Variants in M6PR observed in about 807,000 individuals in gnomAD.
The protein encoded by M6PR is cation-dependent mannose-6-phosphate receptor.
M6PR carries 19 observed loss-of-function variants against 33.1 expected under a neutral mutation model. The ratio of observed to expected loss-of-function variants is 0.57; its 90% confidence interval spans 0.40 to 0.84. M6PR has a LOEUF of 0.84. Ranked by LOEUF, M6PR falls within the 40% of genes least tolerant of loss-of-function variation. The probability of loss-of-function intolerance (pLI) is 0.00; values close to 1 mark genes in which losing one functional copy is unlikely to be tolerated. For synonymous variants in M6PR, 111 were observed against 123.4 expected (o/e 0.90, Z 0.67); for missense variants, 295 against 336.0 (o/e 0.88, Z 0.95).
chr12:8,948,885 A>G (rs544886664), intron 1 of M6PR, among the ~76,000 whole-genome samples: 4 of 152,152 alleles, frequency 2.6e-5, no homozygotes, highest in Non-Finnish European at 5.9e-5. Context: ...CCAGCAGCCT[A>G]CATGTTTAGA....
chr12:8,941,623 T>C lies in M6PR; in HGVS notation c.*195A>G, dbSNP rs1946009900. 1 of 621,890 alleles carries C rather than the reference T, an allele frequency of 1.6e-6. No individual in the cohort carries two copies. Among genetic ancestry groups the C allele is most frequent in the Non-Finnish European group, 2.8e-6 (1 of 362,292 alleles). 38.5% of individuals were successfully genotyped at this position (621,890 alleles called of 1,614,324 possible). ...ACTCTGACTTACAACTGTACCTCTC[T>C]AGAGAAAAAACAGAAAATAAGGAAC... On this transcript the variant is annotated 3_prime_UTR_variant, in exon 7 of 7. Coordinates refer to ENST00000000412, the MANE Select transcript of M6PR (RefSeq NM_002355.4).
rs765562527 is a variant in M6PR at position 8,941,946 on chromosome 12, G to C, written c.712-6C>G. 9.3e-6 allele frequency: 15 copies of C among 1,613,898 alleles called. No homozygotes were observed. In the South Asian group the frequency reaches 1.3e-4, roughly 14 times the overall value. Reference sequence around the variant, plus strand: ...CAGACAAAGTCACAGCCATCCTGTAGGGGGAAAAAAAAGAAGGAAATAATT... The same window carrying C: ...CAGACAAAGTCACAGCCATCCTGTACGGGGAAAAAAAAGAAGGAAATAATT... On this transcript the variant is annotated splice_region_variant and splice_polypyrimidine_tract_variant and intron_variant, in intron 6 of 6. Transcript: ENST00000000412.
intron 6 of M6PR, 159 bp from the exon 7 acceptor site, chr12:8,942,099 C>A: frequency 1.2e-6 from 1 of 866,870 alleles, no homozygotes; most frequent in Non-Finnish European, 1.7e-6. Context: ...CAATTTGGGG[C>A]AACAGGAGAA....
chr12:8,945,352 G>GAT, intron 3 of M6PR, 66 bp downstream of exon 3: 1 of 1,560,332 alleles, frequency 6.4e-7, no homozygotes, highest in Non-Finnish European at 8.8e-7. Context: ...AAGACATACA[G>GAT]GATTGTCAGA....
chr12:8,945,468 C>G lies in M6PR; in HGVS notation c.293G>C (p.Gly98Ala). The G allele has an allele frequency of 6.2e-7, 1 of 1,614,092 alleles. No homozygotes were observed. ...AGLVQINKSN[G>A]KETVVGRLNE... ...GAGTCTCCCTACCACTGTCTCCTTCCCATTACTTTTGTTGATTTGCACCAG... is the reference window on the plus strand; with the variant it reads ...GAGTCTCCCTACCACTGTCTCCTTCGCATTACTTTTGTTGATTTGCACCAG... Residue 98 changes from glycine (G) to alanine (A), a missense_variant, in exon 3 of 7, where the codon GGG becomes GCG. By Grantham distance (60) the Gly-to-Ala change is moderately conservative. Coordinates refer to ENST00000000412, the MANE Select transcript of M6PR (RefSeq NM_002355.4).
chr12:8,948,665 G>A (rs1214224037), intron 1 of M6PR, among the ~76,000 whole-genome samples: 1 of 152,108 alleles, frequency 6.6e-6, no homozygotes, highest in Non-Finnish European at 1.5e-5. Flanking sequence ...ATTCTCTAAC[G>A]ACAGATCTAT....
rs1341913223 is a variant in M6PR at position 8,948,422 on chromosome 12, A to G, written c.-2+1066T>C. Among the ~76,000 whole-genome samples the G allele has an allele frequency of 3.3e-5, 5 of 152,246 alleles. No individual in the cohort carries two copies. In the East Asian group the frequency reaches 9.6e-4, roughly 29 times the overall value. On this transcript the variant is annotated intron_variant, in intron 1 of 6. Coordinates refer to ENST00000000412, the MANE Select transcript of M6PR (RefSeq NM_002355.4). ...ATTACTTGCTGTACATTACACAGAT[A>G]TTAAATGTGTGTGAAGTTACTGGGG...
chr12:8,948,452 T>G (rs1014252667), intron 1 of M6PR, among the ~76,000 whole-genome samples: 38 of 152,178 alleles, frequency 2.5e-4, no homozygotes, highest in Non-Finnish European at 2.6e-4. Flanking sequence ...CTGGGGCAAT[T>G]TAGACGATTC....
intron 2 of M6PR, among the ~76,000 whole-genome samples, chr12:8,945,953 T>C (rs1946087562): frequency 6.6e-6 from 1 of 152,204 alleles, no homozygotes; most frequent in Non-Finnish European, 1.5e-5. Context: ...TATAATGACA[T>C]GTGTCGGCCT....
chr12:8,944,608 G>A (rs188053230), intron 3 of M6PR, among the ~76,000 whole-genome samples: 2 of 152,208 alleles, frequency 1.3e-5, no homozygotes, highest in African/African-American at 4.8e-5. Context: ...CTGTATGGGA[G>A]GGAATTGGAC....
intron 3 of M6PR, chr12:8,945,144 A>AGG: frequency 3.3e-6 from 1 of 303,086 alleles, no homozygotes; most frequent in Admixed American, 4.8e-5. Flanking sequence ...GGTGACAGAG[A>AGG]GAGACTCCGT....
chr12:8,946,907 T>C (rs1358899852), intron 1 of M6PR: 6 of 152,602 alleles, frequency 3.9e-5, no homozygotes, highest in Admixed American at 3.9e-4. Flanking sequence ...CTTGTACTGC[T>C]CTAGGAATGA....
Position 8,941,726 on chromosome 12 carries a change from A to G in M6PR, c.*92T>C. On this transcript the variant is annotated 3_prime_UTR_variant, in exon 7 of 7. Transcript: ENST00000000412. ...AAGCAAGAGCAATAGTAAGGGTGAG[A>G]TGAGGGACTGGAGTTGAGACTGCTT... is the stretch of plus-strand genomic sequence containing the variant. 6.7e-7 allele frequency: 1 copy of G among 1,499,728 alleles called. No individual in the cohort carries two copies. Among genetic ancestry groups the G allele is most frequent in the Non-Finnish European group, 9.3e-7 (1 of 1,080,650 alleles). 92.9% of individuals were successfully genotyped at this position (1,499,728 alleles called of 1,614,324 possible).
chr12:8,947,431 G>A (rs1381614497), intron 1 of M6PR, among the ~76,000 whole-genome samples: 6 of 151,954 alleles, frequency 3.9e-5, no homozygotes, highest in Admixed American at 3.3e-4. Flanking sequence ...AAAAAATCCC[G>A]GGAAATTGTC....
At chr12:8,946,201 C>G in intron 2 of M6PR, 28 bp downstream of exon 2, 1 of 1,589,308 alleles carries the variant, frequency 6.3e-7, no homozygotes, top group Non-Finnish European at 8.6e-7. Flanking sequence ...AATATTTTCT[C>G]AAGCTCTTTA....
chr12:8,945,476 TTTG>T lies in M6PR; in HGVS notation c.282_284del (p.Asn94del). On this transcript the variant is annotated inframe_deletion, in exon 3 of 7. Coordinates refer to ENST00000000412, the MANE Select transcript of M6PR (RefSeq NM_002355.4). ...CTACCACTGTCTCCTTCCCATTACT[TTTG>T]TTGATTTGCACCAGGCCTGCCCCAG... 1 of 1,614,118 alleles carries T rather than the reference TTTG, an allele frequency of 6.2e-7. No individual in the cohort carries two copies. Among genetic ancestry groups the T allele is most frequent in the African/African-American group, 1.3e-5 (1 of 75,014 alleles).
intron 1 of M6PR, among the ~76,000 whole-genome samples, chr12:8,948,450 AT>A (rs1296083881): frequency 1.3e-5 from 2 of 152,200 alleles, no homozygotes; most frequent in Non-Finnish European, 2.9e-5. Context: ...TACTGGGGCA[AT>A]TTAGACGATT....
intron 6 of M6PR, 37 bp from the exon 7 acceptor site, chr12:8,941,977 C>T: frequency 6.2e-7 from 1 of 1,611,868 alleles, no homozygotes; most frequent in Non-Finnish European, 8.5e-7. Context: ...TAATTCGCAG[C>T]ATCTAACTTT....
rs1017297144 is a variant in M6PR, at chr12:8,941,368, A to C, written c.*450T>G. ...GAAATACCAGATTCTCATGGAGGCT[A>C]CTATAGGGTACAGAATAACAACATG... On this transcript the variant is annotated 3_prime_UTR_variant, in exon 7 of 7. Transcript: ENST00000000412. 18 of 198,620 alleles carry C rather than the reference A, an allele frequency of 9.1e-5. No individual in the cohort carries two copies. The highest frequency in any genetic ancestry group is 4.3e-4 in the African/African-American group (18 of 42,120). The allele number at this position is 198,620 out of a possible 1,614,324, so 12.3% of individuals were successfully genotyped here.
Sources: gnomAD v4.1 joint callset for allele counts (sites outside exome capture counted in the v4.1 genomes callset) on GRCh38, gnomAD v4.1.1 for gene constraint, MANE v1.5 for transcripts, NCBI Gene and HGNC (gene_info 2026-07-23, HGNC 2026-07-21) for gene names.